The following TBL1XR1 variants were observed in gnomAD, a reference collection of about 807,000 sequenced individuals.
TBL1XR1 encodes the protein F-box-like/WD repeat-containing protein TBL1XR1.
TBL1XR1 carries 5 observed loss-of-function variants against 66.9 expected under a neutral mutation model. The observed-to-expected ratio is 0.07, with a 90% CI of 0.04 to 0.16. The LOEUF (loss-of-function observed/expected upper bound fraction) is 0.16, where lower values mean the gene tolerates loss of function less well. TBL1XR1 is among the 10% of genes least tolerant of loss of function. The probability of loss-of-function intolerance (pLI) is 1.00; values close to 1 mark genes in which losing one functional copy is unlikely to be tolerated. For missense variants in TBL1XR1, 238 were observed against 623.2 expected (o/e 0.38, Z 6.58); for synonymous variants, 210 against 206.0 (o/e 1.02, Z -0.17).
intron 2 of TBL1XR1, among the ~76,000 whole-genome samples, chr3:177,065,616 T>C (rs1719054265): frequency 6.6e-6 from 1 of 152,202 alleles, no homozygotes; most frequent in Non-Finnish European, 1.5e-5. Context: ...TGGACATACT[T>C]AAACCTTAAC....
At chr3:177,079,808 A>T (rs1464999150) in intron 2 of TBL1XR1, 1 of 151,818 alleles carries the variant, frequency 6.6e-6, no homozygotes, top group African/African-American at 2.4e-5. Context: ...TTCATTTAAA[A>T]AAAAAAAAAA....
At chr3:177,134,885 T>C (rs1728714652) in intron 1 of TBL1XR1, among the ~76,000 whole-genome samples, 1 of 151,770 alleles carries the variant, frequency 6.6e-6, no homozygotes, top group African/African-American at 2.4e-5. Flanking sequence ...GTAAAAATAA[T>C]GATGGATAAT....
At chr3:177,125,381 C>A (rs1262853257) in intron 1 of TBL1XR1, among the ~76,000 whole-genome samples, 3 of 152,022 alleles carry the variant, frequency 2.0e-5, no homozygotes, top group East Asian at 1.9e-4. Context: ...AACAAAAAAA[C>A]AGTGATAAGG....
Position 177,022,099 on chromosome 3 carries a change from A to C in TBL1XR1, c.*3399T>G, listed in dbSNP as rs1220904345. ...CCTTAAAAATAGTACTCTCTCATTA[A>C]ATCTAATTTGACAGAAAGAAGTTTA... On this transcript the variant is annotated 3_prime_UTR_variant, in exon 16 of 16. Coordinates refer to ENST00000457928, the MANE Select transcript of TBL1XR1 (RefSeq NM_024665.7). 6.6e-6 allele frequency: 1 copy of C among 152,576 alleles called. No individual in the cohort carries two copies. Among genetic ancestry groups the C allele is most frequent in the East Asian group, 1.9e-4 (1 of 5,204 alleles). The allele number at this position is 152,576 out of a possible 1,614,324, so 9.5% of individuals were successfully genotyped here. A position where few individuals can be genotyped will look rare whatever the true frequency, so the allele number is the denominator to read the frequency against.
At chr3:177,188,816 G>T (rs1735761071) in intron 1 of TBL1XR1, among the ~76,000 whole-genome samples, 1 of 152,148 alleles carries the variant, frequency 6.6e-6, no homozygotes, top group South Asian at 2.1e-4. Context: ...CACTAATTCT[G>T]AGTTACAAAT....
At chr3:177,055,634 A>G (rs2108509730) in intron 3 of TBL1XR1, among the ~76,000 whole-genome samples, 1 of 152,254 alleles carries the variant, frequency 6.6e-6, no homozygotes, top group South Asian at 2.1e-4. Flanking sequence ...GAATATGAGT[A>G]GATTCCAGAT....
At chr3:177,044,193 T>G (rs1716002591) in intron 10 of TBL1XR1, among the ~76,000 whole-genome samples, 1 of 152,166 alleles carries the variant, frequency 6.6e-6, no homozygotes, top group South Asian at 2.1e-4. Context: ...TAACATAACT[T>G]CATCTCTAGA....
At chr3:177,044,320 C>A (rs1278674126) in intron 10 of TBL1XR1, among the ~76,000 whole-genome samples, 1 of 152,256 alleles carries the variant, frequency 6.6e-6, no homozygotes, top group East Asian at 1.9e-4. Flanking sequence ...GAAATCTGCA[C>A]ATAGCTTTTG....
intron 10 of TBL1XR1, among the ~76,000 whole-genome samples, chr3:177,041,997 C>T (rs1473974385): frequency 6.6e-6 from 1 of 152,114 alleles, no homozygotes; most frequent in African/African-American, 2.4e-5. Flanking sequence ...TGGTTACCTC[C>T]TATTCCTTAG....
intron 1 of TBL1XR1, among the ~76,000 whole-genome samples, chr3:177,158,160 T>TAAAACA (rs10657489): frequency 0.6 from 87,427 of 146,890 alleles, 27,035 homozygotes; most frequent in African/African-American, 0.74. Flanking sequence ...AAATAAAAAG[T>TAAAACA]AAAACAAAAA....
At chr3:177,119,085 C>T (rs555149065) in intron 1 of TBL1XR1, among the ~76,000 whole-genome samples, 67 of 152,258 alleles carry the variant, frequency 4.4e-4, no homozygotes, top group African/African-American at 1.3e-3. Context: ...ACTTCTCCTG[C>T]CTCAGCATCA....
chr3:177,093,758 T>C (rs536508953), intron 2 of TBL1XR1, among the ~76,000 whole-genome samples: 52 of 152,260 alleles, frequency 3.4e-4, no homozygotes, highest in African/African-American at 6.3e-4. Flanking sequence ...GCTGGGAGAA[T>C]TGGCAAGCCA....
At chr3:177,198,902 ACACACT>A, upstream of TBL1XR1, among the ~76,000 whole-genome samples, 1 of 125,016 alleles carries the variant, frequency 8.0e-6, no homozygotes, top group East Asian at 2.3e-4. Flanking sequence ...ACACACACAC[ACACACT>A]ACTCGTAACT....
At chr3:177,186,642 A>G (rs981790192) in intron 1 of TBL1XR1, among the ~76,000 whole-genome samples, 1 of 152,120 alleles carries the variant, frequency 6.6e-6, no homozygotes, top group Non-Finnish European at 1.5e-5. Context: ...AACCACTAAA[A>G]TATGTTATTA....
intron 1 of TBL1XR1, among the ~76,000 whole-genome samples, chr3:177,195,820 G>A (rs1736778023): frequency 6.6e-6 from 1 of 152,058 alleles, no homozygotes; most frequent in Admixed American, 6.6e-5. Context: ...GTTCCTGTTT[G>A]GAAAACAAGA....
intron 2 of TBL1XR1, among the ~76,000 whole-genome samples, chr3:177,071,274 G>T (rs1719975715): frequency 6.6e-6 from 1 of 151,984 alleles, no homozygotes; most frequent in Admixed American, 6.6e-5. Context: ...GCTTTACAAG[G>T]ACAGTTAATC....
intron 1 of TBL1XR1, among the ~76,000 whole-genome samples, chr3:177,132,213 G>C (rs1162572934): frequency 2.6e-5 from 4 of 152,180 alleles, no homozygotes; most frequent in Non-Finnish European, 5.9e-5. Context: ...ATATGCCTAT[G>C]TGGCCAGCAG....
At chr3:177,047,233 G>A (rs1421165259) in intron 9 of TBL1XR1, 67 bp downstream of exon 9, 1 of 1,353,142 alleles carries the variant, frequency 7.4e-7, no homozygotes, top group East Asian at 2.5e-5. Flanking sequence ...TGGCAGCTAA[G>A]ACAAAATACT....
At chr3:177,133,366 CCT>C (rs1380279899) in intron 1 of TBL1XR1, among the ~76,000 whole-genome samples, 1 of 152,158 alleles carries the variant, frequency 6.6e-6, no homozygotes, top group Non-Finnish European at 1.5e-5. Context: ...TTTACCACCC[CCT>C]GACAATATGG....
Sources: gnomAD v4.1 joint callset for allele counts (sites outside exome capture counted in the v4.1 genomes callset) on GRCh38, gnomAD v4.1.1 for gene constraint, MANE v1.5 for transcripts, NCBI Gene and HGNC (gene_info 2026-07-23, HGNC 2026-07-21) for gene names.